The following DAB1 variants were observed in gnomAD, a reference collection of about 807,000 sequenced individuals.
The protein encoded by DAB1 is DAB adaptor protein 1, also known as disabled homolog 1.
A neutral mutation model predicts 64.6 loss-of-function variants in DAB1; 15 were observed. The ratio of observed to expected loss-of-function variants is 0.23; its 90% CI spans 0.16 to 0.36. DAB1 has a LOEUF of 0.36. DAB1 is among the 10% of genes least tolerant of loss of function. The pLI is 1.00. For missense variants in DAB1, 596 were observed against 706.7 expected (o/e 0.84, Z 1.78); for synonymous variants, 235 against 251.9 (o/e 0.93, Z 0.64).
chr1:58,455,581 G>A (rs569297983), intron 3 of DAB1, among the ~76,000 whole-genome samples: 5 of 152,324 alleles, frequency 3.3e-5, no homozygotes, highest in African/African-American at 1.2e-4. Flanking sequence ...AGGTCTTTGG[G>A]AATTGACTGT....
intron 7 of DAB1, among the ~76,000 whole-genome samples, chr1:57,556,028 G>A (rs1470259001): frequency 6.6e-6 from 1 of 152,124 alleles, no homozygotes; most frequent in Non-Finnish European, 1.5e-5. Context: ...AGGCAGCAGT[G>A]AGGATGGTGT....
rs1456432665 is a variant in DAB1 at position 58,300,612 on chromosome 1, G to GAAAGAA, written n.309+42739_309+42740insTTCTTT. Among the ~76,000 whole-genome samples, 408 of 44,404 alleles carry GAAAGAA rather than the reference G, an allele frequency of 9.2e-3. 2 individuals are homozygous for GAAAGAA. The highest frequency in any genetic ancestry group is 0.015 in the African/African-American group (205 of 13,582). 29.1% of individuals were successfully genotyped at this position (44,404 alleles called of 152,430 possible). A position where few individuals can be genotyped will look rare whatever the true frequency, so the allele number is the denominator to read the frequency against. The stretch of plus-strand genomic sequence containing the variant: ...AGAAAGAAAGAAAGAAAGAAAGAAA[G>GAAAGAA]AGAGAGAGAGAGAGAGAGAGAGAGA... On this transcript the variant is annotated intron_variant and non_coding_transcript_variant, in intron 4 of 20. Transcript: ENST00000485760.
chr1:58,310,821 G>T (rs975827218), intron 4 of DAB1, among the ~76,000 whole-genome samples: 25 of 152,206 alleles, frequency 1.6e-4, no homozygotes, highest in African/African-American at 6.0e-4. Flanking sequence ...ATCATTCCAT[G>T]ACCCCTTGCT....
chr1:58,223,256 G>A (rs1039372552), intron 4 of DAB1, among the ~76,000 whole-genome samples: 1 of 152,128 alleles, frequency 6.6e-6, no homozygotes, highest in Non-Finnish European at 1.5e-5. Flanking sequence ...CATCAAAAGT[G>A]GCCCACAAAC....
intron 5 of DAB1, among the ~76,000 whole-genome samples, chr1:57,955,177 A>T (rs1645363252): frequency 6.6e-6 from 1 of 151,992 alleles, no homozygotes; most frequent in Non-Finnish European, 1.5e-5. Context: ...GAACTCTGGC[A>T]CTCAATGTTT....
At chr1:57,159,365 C>A (rs886143131) in intron 2 of DAB1, among the ~76,000 whole-genome samples, 3 of 152,140 alleles carry the variant, frequency 2.0e-5, no homozygotes, top group Non-Finnish European at 2.9e-5. Flanking sequence ...GAGGAAAAGA[C>A]TAAAGAGATG....
intron 6 of DAB1, among the ~76,000 whole-genome samples, chr1:57,702,639 GT>G (rs1646920053): frequency 6.6e-6 from 1 of 152,126 alleles, no homozygotes; most frequent in Non-Finnish European, 1.5e-5. Flanking sequence ...CCATGTTTTA[GT>G]CATTTCGGTA....
At chr1:57,240,345 A>G (rs974786137) in intron 2 of DAB1, among the ~76,000 whole-genome samples, 1 of 152,218 alleles carries the variant, frequency 6.6e-6, no homozygotes, top group Non-Finnish European at 1.5e-5. Flanking sequence ...GAATGAATAA[A>G]ACAAACACAT....
chr1:57,066,755 C>T (rs1217144624), intron 8 of DAB1, among the ~76,000 whole-genome samples: 1 of 152,188 alleles, frequency 6.6e-6, no homozygotes, highest in African/African-American at 2.4e-5. Flanking sequence ...ACCAACTGCT[C>T]TCCTCCTCGT....
At chr1:58,531,181 T>A (rs1003189404) in intron 1 of DAB1, among the ~76,000 whole-genome samples, 7 of 152,312 alleles carry the variant, frequency 4.6e-5, no homozygotes, top group African/African-American at 1.7e-4. Flanking sequence ...GTAAATGTTT[T>A]ATTTTACTAA....
At chr1:57,394,917 TG>T (rs1682679766) in intron 1 of DAB1, among the ~76,000 whole-genome samples, 1 of 152,244 alleles carries the variant, frequency 6.6e-6, no homozygotes, top group African/African-American at 2.4e-5. Flanking sequence ...AGTTTCCTGA[TG>T]GATGCAACCC....
At chr1:57,950,921 T>C (rs1645263505) in intron 5 of DAB1, among the ~76,000 whole-genome samples, 1 of 152,192 alleles carries the variant, frequency 6.6e-6, no homozygotes, top group African/African-American at 2.4e-5. Flanking sequence ...CAGTCTTCAA[T>C]ATCTAGTTTG....
At chr1:57,960,782 A>G (rs1645501399) in intron 5 of DAB1, among the ~76,000 whole-genome samples, 1 of 152,260 alleles carries the variant, frequency 6.6e-6, no homozygotes. Context: ...TTCCTCCACA[A>G]ACATTTGCAA....
chr1:57,026,039 A>G lies in DAB1; in HGVS notation c.728T>C (p.Val243Ala). The G allele has an allele frequency of 6.2e-7, 1 of 1,602,264 alleles. No homozygotes were observed. ...GTCCCCAAAAAGTTCTAATTGGGTC[A>G]CAGCCTGTAAAGACAAAAAGGTAAT... ...DVPKSQPVSA[V>A]TQLELFGDMS... The change falls in exon 10 of 15, where the codon GTG becomes GCG. Residue 243 changes from valine (V) to alanine (A), a missense_variant. Physicochemically the swap from Val to Ala is moderately conservative, Grantham distance 64. Around this residue, in one of 3 missense-constraint regions of DAB1, gnomAD observed 176 missense variants for 266.7 expected, o/e 0.66. Transcript: ENST00000371236.
At chr1:57,043,764 T>C (rs1648103519) in intron 9 of DAB1, among the ~76,000 whole-genome samples, 1 of 152,002 alleles carries the variant, frequency 6.6e-6, no homozygotes, top group Admixed American at 6.5e-5. Context: ...GGATAATCTC[T>C]TGAACCCAGG....
At chr1:58,520,815 A>C (rs1193884995) in intron 2 of DAB1, among the ~76,000 whole-genome samples, 1 of 152,160 alleles carries the variant, frequency 6.6e-6, no homozygotes, top group East Asian at 1.9e-4. Flanking sequence ...ACACGGCAAA[A>C]ATTAATAGCC....
intron 7 of DAB1, among the ~76,000 whole-genome samples, chr1:57,610,880 A>T (rs922166037): frequency 1.3e-5 from 2 of 152,222 alleles, no homozygotes; most frequent in Admixed American, 6.5e-5. Flanking sequence ...AAACCATATC[A>T]GTCTTGCATG....
intron 7 of DAB1, among the ~76,000 whole-genome samples, chr1:57,573,728 G>A (rs17116025): frequency 0.2 from 30,373 of 152,182 alleles, 3,387 homozygotes; most frequent in Non-Finnish European, 0.24. Context: ...GGAAGCTGGA[G>A]AAGTTGCTGG....
chr1:57,318,731 C>CAA (rs10522783), intron 1 of DAB1, among the ~76,000 whole-genome samples: 9 of 116,930 alleles, frequency 7.7e-5, no homozygotes, highest in African/African-American at 2.6e-4. Context: ...CGGTAATTTG[C>CAA]AAAAAAAAAA....
Sources: allele counts gnomAD v4.1 joint callset (sites outside exome capture counted in the v4.1 genomes callset), GRCh38; gene constraint gnomAD v4.1.1; regional missense constraint gnomAD v4.1.1; transcripts MANE v1.5; gene names NCBI Gene and HGNC (gene_info 2026-07-23, HGNC 2026-07-21).